DNAH6: variants seen among roughly 807,000 people sequenced by gnomAD.
DNAH6 encodes the protein dynein axonemal heavy chain 6.
Under a neutral mutation model 491.4 loss-of-function variants are expected in DNAH6, and 340 were observed. That is an observed-to-expected ratio of 0.69 (90% CI 0.63 to 0.76). DNAH6 has a LOEUF of 0.76. Ranked by LOEUF, DNAH6 falls within the 30% of genes least tolerant of loss-of-function variation. The pLI, the probability that DNAH6 is intolerant of heterozygous loss-of-function variation, is 0.00. For missense variants in DNAH6, 4,443 were observed against 4,972.2 expected (o/e 0.89, Z 3.20); for synonymous variants, 1,603 against 1,686.1 (o/e 0.95, Z 1.21).
chr2:84,677,277 G>A (rs1389126613), intron 41 of DNAH6, 141 bp downstream of exon 41: 2 of 1,067,866 alleles, frequency 1.9e-6, no homozygotes, highest in Non-Finnish European at 2.7e-6. Flanking sequence ...GGTAAATATG[G>A]ACTCCTGGAG....
At chr2:84,649,549 A>G (rs1247593946) in intron 33 of DNAH6, among the ~76,000 whole-genome samples, 1 of 152,102 alleles carries the variant, frequency 6.6e-6, no homozygotes, top group Non-Finnish European at 1.5e-5. Flanking sequence ...TCCCCTGGAT[A>G]TAGGATTCTG....
At chr2:84,566,549 T>C (rs1176837062) in intron 11 of DNAH6, among the ~76,000 whole-genome samples, 1 of 151,996 alleles carries the variant, frequency 6.6e-6, no homozygotes, top group Non-Finnish European at 1.5e-5. Context: ...TACATGCCAA[T>C]AAAAATTTCT....
At chr2:84,637,595 T>C (rs1305016888) in intron 31 of DNAH6, among the ~76,000 whole-genome samples, 1 of 152,222 alleles carries the variant, frequency 6.6e-6, no homozygotes, top group East Asian at 1.9e-4. Context: ...TGGAATATAA[T>C]AGGCCCCTAA....
intron 64 of DNAH6, among the ~76,000 whole-genome samples, chr2:84,769,207 T>A (rs1675379762): frequency 6.6e-6 from 1 of 152,226 alleles, no homozygotes; most frequent in South Asian, 2.1e-4. Flanking sequence ...TGAGAAGGGC[T>A]GCAGCCAGAG....
chr2:84,743,307 TTA>T (rs1672681007), intron 62 of DNAH6, among the ~76,000 whole-genome samples: 1 of 152,212 alleles, frequency 6.6e-6, no homozygotes, highest in Non-Finnish European at 1.5e-5. Context: ...TTTCCTGTTT[TTA>T]TGTGTTAGAT....
Position 84,704,102 on chromosome 2 carries a change from A to G in DNAH6, c.8265A>G (p.Ala2755=). The G allele has an allele frequency of 6.4e-7, 1 of 1,551,820 alleles. No homozygotes were observed. ...RNTVQEDEAT[A]KVKAEETQAI... ...CTGTGCAGGAGGATGAAGCAACAGC[A>G]AAAGTCAAAGCTGAAGAAACCCAAG... The change falls in exon 51 of 77, where the codon GCA becomes GCG. Residue 2755 remains alanine (A), a synonymous_variant. Transcript: ENST00000389394.
chr2:84,798,857 G>C (rs1477426453), intron 70 of DNAH6, among the ~76,000 whole-genome samples: 1 of 152,164 alleles, frequency 6.6e-6, no homozygotes, highest in Non-Finnish European at 1.5e-5. Flanking sequence ...AACTCCCCAG[G>C]ACTCAAGCAC....
At chr2:84,523,643 GTATGTTGTATCTTTGTTCT>G (rs1174785563) in intron 2 of DNAH6, among the ~76,000 whole-genome samples, 1 of 152,040 alleles carries the variant, frequency 6.6e-6, no homozygotes, top group African/African-American at 2.4e-5. Flanking sequence ...AGAGATTCTA[GTATGTTGTATCTTTGTTCT>G]TATTAGTTTC....
the DNAH6 span, among the ~76,000 whole-genome samples, chr2:84,476,399 AT>A: frequency 7.6e-4 from 115 of 152,270 alleles, no homozygotes; most frequent in African/African-American, 2.7e-3. Flanking sequence ...TTTGTAGCTA[AT>A]TCATCTTCTG....
intron 18 of DNAH6, among the ~76,000 whole-genome samples, chr2:84,602,707 G>T (rs1277615541): frequency 2.0e-5 from 3 of 149,188 alleles, no homozygotes; most frequent in African/African-American, 7.4e-5. Flanking sequence ...CATTTCTTCT[G>T]CTCTGTTTTC....
intron 48 of DNAH6, 58 bp downstream of exon 48, chr2:84,699,792 G>A: frequency 1.3e-6 from 2 of 1,513,232 alleles, no homozygotes; most frequent in Non-Finnish European, 1.8e-6. Flanking sequence ...CTTTAAAGGG[G>A]TAACACATTG....
At chr2:84,797,391 C>A in intron 69 of DNAH6, 146 bp from the exon 70 acceptor site, 1 of 702,858 alleles carries the variant, frequency 1.4e-6, no homozygotes, top group Non-Finnish European at 2.3e-6. Context: ...GCAATGAAAG[C>A]ATGAAAGCTT....
At chr2:84,540,096 A>G (rs1678097343) in intron 4 of DNAH6, among the ~76,000 whole-genome samples, 1 of 152,190 alleles carries the variant, frequency 6.6e-6, no homozygotes. Context: ...GGGCCACAAG[A>G]GCTTATCTAA....
At chr2:84,697,417 G>A (rs983508817) in intron 46 of DNAH6, among the ~76,000 whole-genome samples, 158 bp from the exon 47 acceptor site, 2 of 152,116 alleles carry the variant, frequency 1.3e-5, no homozygotes, top group South Asian at 4.1e-4. Context: ...AAAAATCAGT[G>A]TACTTGCTAT....
At chr2:84,536,562 C>T (rs1233282367) in intron 4 of DNAH6, among the ~76,000 whole-genome samples, 1 of 30,270 alleles carries the variant, frequency 3.3e-5, no homozygotes, top group East Asian at 4.6e-3. Context: ...AATGTCAACA[C>T]TGCATCAAAG....
Position 84,672,206 on chromosome 2 carries a change from C to G in DNAH6, c.6455-121C>G, listed in dbSNP as rs1413897579. ...AGTCTCTCCTCCTCCAGGCAGGACT[C>G]AGAACTGAGCTCTTTATGACCTGTA... is the stretch of plus-strand genomic sequence containing the variant. On this transcript the variant is annotated intron_variant, in intron 39 of 76. Coordinates refer to ENST00000389394, the MANE Select transcript of DNAH6 (RefSeq NM_001370.2). 6.0e-6 allele frequency: 6 copies of G among 1,002,398 alleles called. No individual in the cohort carries two copies. In the East Asian group the frequency reaches 8.1e-5, roughly 14 times the overall value. The allele number at this position is 1,002,398 out of a possible 1,614,324, so 62.1% of individuals were successfully genotyped here.
chr2:84,663,629 C>T (rs1358714083), intron 37 of DNAH6, among the ~76,000 whole-genome samples: 2 of 152,068 alleles, frequency 1.3e-5, no homozygotes, highest in African/African-American at 4.8e-5. Context: ...GATTGGTGTA[C>T]CTGAAAGTGA....
intron 35 of DNAH6, 56 bp from the exon 36 acceptor site, chr2:84,658,236 A>G (rs1270095971): frequency 4.0e-6 from 5 of 1,249,562 alleles, no homozygotes; most frequent in Non-Finnish European, 4.2e-6. Flanking sequence ...ACCTAATTCT[A>G]AACTTAATTA....
chr2:84,814,886 G>A (rs1343671548), intron 75 of DNAH6, among the ~76,000 whole-genome samples: 1 of 152,236 alleles, frequency 6.6e-6, no homozygotes, highest in East Asian at 1.9e-4. Context: ...CAGGAGACAG[G>A]CCAGTAGTGT....
Sources: allele counts gnomAD v4.1 joint callset (sites outside exome capture counted in the v4.1 genomes callset), GRCh38; gene constraint gnomAD v4.1.1; transcripts MANE v1.5; gene names NCBI Gene and HGNC (gene_info 2026-07-23, HGNC 2026-07-21).